The following FCHO2 variants were observed in gnomAD, a reference collection of about 807,000 sequenced individuals.
The protein encoded by FCHO2 is FCH and mu domain containing endocytic adaptor 2.
Under a neutral mutation model 114.1 loss-of-function variants are expected in FCHO2, and 43 were observed. The ratio of observed to expected loss-of-function variants is 0.38; its 90% CI spans 0.30 to 0.49. The LOEUF is 0.49. Ranked by LOEUF, FCHO2 falls within the 20% of genes least tolerant of loss-of-function variation. The pLI, the probability that FCHO2 is intolerant of heterozygous loss-of-function variation, is 0.97. For missense variants in FCHO2, 807 were observed against 950.4 expected (o/e 0.85, Z 1.98); for synonymous variants, 293 against 315.2 (o/e 0.93, Z 0.75).
intron 8 of FCHO2, among the ~76,000 whole-genome samples, chr5:73,029,184 AAAG>A (rs1756099858): frequency 6.6e-6 from 1 of 152,188 alleles, no homozygotes; most frequent in South Asian, 2.1e-4. Flanking sequence ...ATCTGTTTAA[AAAG>A]GAGTTGGGAA....
In FCHO2 at chr5:73,027,493, A is replaced by G. The variant is rs115624699; in HGVS notation, c.797-7164A>G. On this transcript the variant is annotated intron_variant, in intron 8 of 25. Coordinates refer to ENST00000430046, the MANE Select transcript of FCHO2 (RefSeq NM_138782.3). ...AATACAAGAAACGTTTGTCTAATCC[A>G]AGGTCACAAAGATTTTTAAAAATTT... 6.6e-3 allele frequency among the ~76,000 whole-genome samples: 1,004 copies of G among 152,052 alleles called. 11 individuals are homozygous for G. The highest frequency in any genetic ancestry group is 0.023 in the African/African-American group (964 of 41,514).
chr5:73,001,224 C>T (rs1373822790), intron 5 of FCHO2, among the ~76,000 whole-genome samples: 1 of 151,846 alleles, frequency 6.6e-6, no homozygotes, highest in Non-Finnish European at 1.5e-5. Context: ...TAGGGAGACC[C>T]CATCTCTACA....
intron 9 of FCHO2, 43 bp from the exon 10 acceptor site, chr5:73,037,100 A>G: frequency 7.5e-7 from 1 of 1,331,578 alleles, no homozygotes; most frequent in Non-Finnish European, 1.0e-6. Context: ...TATGTTTATC[A>G]GGAATGTTTA....
rs753547485 is a variant in FCHO2, at chr5:73,087,620, T to G, written c.2277T>G (p.Leu759=). The change falls in exon 25 of 26, where the codon CTT becomes CTG. Residue 759 remains leucine, a synonymous_variant. Coordinates refer to ENST00000430046, the MANE Select transcript of FCHO2 (RefSeq NM_138782.3). ...GSGSLRAKFD[L]SEGPSKPTTL... is the part of the protein sequence containing the mutation. Reference sequence around the variant, plus strand: ...GGTCCCTCCGAGCAAAATTTGATCTTTCAGAAGGACCTAGTAAACCCACGA... The same window carrying G: ...GGTCCCTCCGAGCAAAATTTGATCTGTCAGAAGGACCTAGTAAACCCACGA... 6 of 1,613,790 alleles carry G rather than the reference T, an allele frequency of 3.7e-6. No homozygotes were observed. The Admixed American group carries it at 1.0e-4, about 27-fold the overall frequency.
At chr5:72,989,881 TAA>T (rs905382268) in intron 3 of FCHO2, among the ~76,000 whole-genome samples, 1 of 152,024 alleles carries the variant, frequency 6.6e-6, no homozygotes, top group African/African-American at 2.4e-5. Context: ...TTGAAATGAT[TAA>T]GATGCATTAA....
At chr5:73,021,204 G>T in intron 8 of FCHO2, 1 of 754,082 alleles carries the variant, frequency 1.3e-6, no homozygotes, top group South Asian at 1.4e-5. Context: ...CAAGTGATTT[G>T]ACTGTGGGAA....
chr5:73,024,717 G>T (rs974420324), intron 8 of FCHO2, among the ~76,000 whole-genome samples: 2 of 152,160 alleles, frequency 1.3e-5, no homozygotes, highest in African/African-American at 2.4e-5. Flanking sequence ...GATTACAGGT[G>T]TGAGCCACCG....
rs115363575 is a variant in FCHO2 at position 73,086,369 on chromosome 5, A to G, written c.2246-1220A>G. On this transcript the variant is annotated intron_variant, in intron 24 of 25. Coordinates refer to ENST00000430046, the MANE Select transcript of FCHO2 (RefSeq NM_138782.3). ...CTGATCTATGCCTCCAGGCATAATAATACAAGTTGGATCAATGTTGTGACA... is the reference window on the plus strand; with the variant it reads ...CTGATCTATGCCTCCAGGCATAATAGTACAAGTTGGATCAATGTTGTGACA... Among the ~76,000 whole-genome samples, 540 of 152,298 alleles carry G rather than the reference A, an allele frequency of 3.5e-3. 5 individuals carry two copies. The highest frequency in any genetic ancestry group is 0.013 in the African/African-American group (526 of 41,558).
intron 20 of FCHO2, among the ~76,000 whole-genome samples, 180 bp from the exon 21 acceptor site, chr5:73,077,158 A>G (rs1340675946): frequency 6.6e-6 from 1 of 152,266 alleles, no homozygotes; most frequent in Non-Finnish European, 1.5e-5. Flanking sequence ...TATTTCATGT[A>G]TATAATTTTT....
chr5:72,979,845 GT>G (rs1420919612), intron 2 of FCHO2, among the ~76,000 whole-genome samples: 2 of 151,798 alleles, frequency 1.3e-5, no homozygotes, highest in Admixed American at 1.3e-4. Context: ...TTTCTTGTTT[GT>G]TATTCTGGCT....
chr5:72,962,353 T>G (rs1425789551), intron 1 of FCHO2, among the ~76,000 whole-genome samples: 1 of 152,174 alleles, frequency 6.6e-6, no homozygotes, highest in African/African-American at 2.4e-5. Flanking sequence ...TTAAATTATT[T>G]AAGCAAAGGA....
At position 73,047,785 on chromosome 5, in the gene FCHO2, AGTT is replaced by A. The variant is rs1268109208; in HGVS notation, c.940-3560_940-3558del. Among the ~76,000 whole-genome samples, 16 of 151,972 alleles carry A rather than the reference AGTT, an allele frequency of 1.1e-4. No homozygotes were observed. The South Asian group carries it at 3.1e-3, about 30-fold the overall frequency. ...TACAATGTAAATGGATATTGTAAATAGTTGTTTTACTGTGTTTTTTAAAGATTC... is the reference window on the plus strand; with the variant it reads ...TACAATGTAAATGGATATTGTAAATAGTTTTACTGTGTTTTTTAAAGATTC... On this transcript the variant is annotated intron_variant, in intron 11 of 25. Transcript: ENST00000430046.
intron 22 of FCHO2, among the ~76,000 whole-genome samples, chr5:73,080,605 A>G (rs1226316261): frequency 6.6e-6 from 1 of 152,206 alleles, no homozygotes; most frequent in African/African-American, 2.4e-5. Context: ...TCCAAGGGAT[A>G]AATTTCCTAC....
intron 14 of FCHO2, 84 bp from the exon 15 acceptor site, chr5:73,054,441 A>G: frequency 1.7e-6 from 2 of 1,169,980 alleles, no homozygotes; most frequent in Middle Eastern, 2.7e-4. Context: ...ACATAAAATT[A>G]GGTTCCCAGT....
intron 1 of FCHO2, 99 bp downstream of exon 1, chr5:72,956,228 C>T: frequency 3.4e-6 from 5 of 1,467,940 alleles, no homozygotes; most frequent in East Asian, 2.8e-5. Flanking sequence ...GCGGCCCCTC[C>T]GGCAGGGCGA....
At chr5:72,979,409 T>TTTTTG (rs1233299675) in intron 2 of FCHO2, among the ~76,000 whole-genome samples, 1 of 125,768 alleles carries the variant, frequency 8.0e-6, no homozygotes, top group Non-Finnish European at 1.7e-5. Context: ...TTTTTTTTTT[T>TTTTTG]GAGACGGAGT....
rs533120408 is a variant in FCHO2, at chr5:73,072,762, T to C, written c.1580-1980T>C. Among the ~76,000 whole-genome samples the C allele has an allele frequency of 2.6e-5, 4 of 152,096 alleles. No individual in the cohort carries two copies. In the East Asian group the frequency reaches 5.8e-4, roughly 22 times the overall value. On this transcript the variant is annotated intron_variant, in intron 19 of 25. Coordinates refer to ENST00000430046, the MANE Select transcript of FCHO2 (RefSeq NM_138782.3). ...GGTGGGAGTTGTTGTTTCATGGGTA[T>C]AGGGTTTCCGTTTTATAAGACGAAC...
At chr5:73,048,837 CAG>C (rs1197541067) in intron 11 of FCHO2, among the ~76,000 whole-genome samples, 3 of 149,764 alleles carry the variant, frequency 2.0e-5, no homozygotes, top group East Asian at 2.0e-4. Flanking sequence ...GCTTCACTAA[CAG>C]AGTATATTTT....
rs143940615 is a variant in FCHO2, at chr5:73,048,833, C to CTA, written c.940-2515_940-2514dup. Among the ~76,000 whole-genome samples, 172 of 149,758 alleles carry CTA rather than the reference C, an allele frequency of 1.1e-3. 5 individuals are homozygous for CTA. The East Asian group carries it at 0.03, about 26-fold the overall frequency. On this transcript the variant is annotated intron_variant, in intron 11 of 25. Coordinates refer to ENST00000430046, the MANE Select transcript of FCHO2 (RefSeq NM_138782.3). ...AATATGCCTTTCCCCTGCAGCTTCACTAACAGAGTATATTTTCAAGCTTAT... is the reference window on the plus strand; with the variant it reads ...AATATGCCTTTCCCCTGCAGCTTCACTATAACAGAGTATATTTTCAAGCTTAT...
Sources: gnomAD v4.1 joint callset for allele counts (sites outside exome capture counted in the v4.1 genomes callset) on GRCh38, gnomAD v4.1.1 for gene constraint, MANE v1.5 for transcripts, NCBI Gene and HGNC (gene_info 2026-07-23, HGNC 2026-07-21) for gene names.